RASSF8: variants seen among roughly 807,000 people sequenced by gnomAD.
The protein encoded by RASSF8 is Ras association domain family member 8.
In RASSF8, 22 loss-of-function variants were observed where a neutral mutation model predicts 48.5. The ratio of observed to expected loss-of-function variants is 0.45; its 90% CI spans 0.32 to 0.65. RASSF8 has a LOEUF of 0.65. Among genes scored for constraint, RASSF8 ranks in the 30% least tolerant of loss-of-function variants. The probability of loss-of-function intolerance (pLI) is 0.03; values close to 1 mark genes in which losing one functional copy is unlikely to be tolerated. For synonymous variants in RASSF8, 127 were observed against 171.5 expected (o/e 0.74, Z 2.03); for missense variants, 418 against 489.2 (o/e 0.85, Z 1.37).
intron 1 of RASSF8, among the ~76,000 whole-genome samples, chr12:25,965,153 G>A (rs117544553): frequency 0.056 from 8,461 of 152,070 alleles, 353 homozygotes; most frequent in African/African-American, 0.12. Flanking sequence ...ATGTTAGCCA[G>A]GATGGTCTTG....
At position 26,049,450 on chromosome 12, in the gene RASSF8, G is replaced by A. The variant is rs367650970; in HGVS notation, c.-108-5786G>A. 5.9e-5 allele frequency among the ~76,000 whole-genome samples: 9 copies of A among 152,062 alleles called. No homozygotes were observed. In the East Asian group the frequency reaches 1.2e-3, roughly 20 times the overall value. On this transcript the variant is annotated intron_variant, in intron 2 of 5. Coordinates refer to ENST00000689635, the MANE Select transcript of RASSF8 (RefSeq NM_001394098.1). ...TTCCACTGTGAACTTTAATTGACTG[G>A]CAAAAATTAACCCAAATTGTTAATT...
chr12:25,996,611 G>T (rs1592246314), intron 2 of RASSF8, among the ~76,000 whole-genome samples: 1 of 152,218 alleles, frequency 6.6e-6, no homozygotes, highest in Non-Finnish European at 1.5e-5. Context: ...ATTTTTTGCG[G>T]TTTCTTCTCA....
At chr12:26,054,599 G>A (rs1348844522) in intron 2 of RASSF8, among the ~76,000 whole-genome samples, 5 of 152,060 alleles carry the variant, frequency 3.3e-5, no homozygotes, top group South Asian at 2.1e-4. Flanking sequence ...GCATTTCAGC[G>A]GGAAGACACT....
intron 4 of RASSF8, among the ~76,000 whole-genome samples, chr12:26,066,414 G>A (rs1376480720): frequency 6.6e-6 from 1 of 152,182 alleles, no homozygotes; most frequent in South Asian, 2.1e-4. Flanking sequence ...AGAGAAAGCT[G>A]AGGTTTTAGG....
chr12:25,970,312 G>A (rs73077103), intron 1 of RASSF8, among the ~76,000 whole-genome samples: 3,093 of 152,112 alleles, frequency 0.02, 54 homozygotes, highest in Non-Finnish European at 0.03. Context: ...TGAACTATGT[G>A]TCAGTTTCTC....
downstream of RASSF8, among the ~76,000 whole-genome samples, chr12:26,073,197 G>A (rs1001451488): frequency 2.0e-5 from 3 of 152,122 alleles, no homozygotes; most frequent in East Asian, 1.9e-4. Context: ...ATGGGGCACC[G>A]GTCACACTTT....
At chr12:26,060,049 C>G (rs1207192747) in intron 3 of RASSF8, among the ~76,000 whole-genome samples, 2 of 152,182 alleles carry the variant, frequency 1.3e-5, no homozygotes, top group Non-Finnish European at 2.9e-5. Flanking sequence ...AGGCACCCAC[C>G]ACCACGCCCA....
At chr12:26,046,814 A>G (rs1164589938) in intron 2 of RASSF8, among the ~76,000 whole-genome samples, 1 of 152,232 alleles carries the variant, frequency 6.6e-6, no homozygotes, top group Non-Finnish European at 1.5e-5. Context: ...TACCTGCTTA[A>G]GGAGAAATAT....
chr12:26,015,899 C>G (rs1942637904), intron 2 of RASSF8, among the ~76,000 whole-genome samples: 1 of 152,060 alleles, frequency 6.6e-6, no homozygotes, highest in African/African-American at 2.4e-5. Flanking sequence ...GGCGGCACTT[C>G]TCTATAACTC....
chr12:26,067,896 C>T (rs12315057), intron 5 of RASSF8, among the ~76,000 whole-genome samples, 183 bp downstream of exon 5: 1,768 of 152,074 alleles, frequency 0.012, 37 homozygotes, highest in Middle Eastern at 0.037. Context: ...CTCCTGTAGC[C>T]GGGGCTACAG....
chr12:26,042,436 G>A (rs1018494647), intron 2 of RASSF8, among the ~76,000 whole-genome samples: 2 of 152,030 alleles, frequency 1.3e-5, no homozygotes, highest in African/African-American at 2.4e-5. Context: ...CCTTCGTTTT[G>A]GTTTTGTTAG....
chr12:26,047,069 A>G (rs942857720), intron 2 of RASSF8, among the ~76,000 whole-genome samples: 5 of 152,236 alleles, frequency 3.3e-5, no homozygotes, highest in African/African-American at 9.6e-5. Flanking sequence ...GAGTTAAACC[A>G]TCATAGAACT....
intron 1 of RASSF8, among the ~76,000 whole-genome samples, chr12:25,970,513 T>C (rs1377812476): frequency 1.3e-5 from 2 of 152,204 alleles, no homozygotes; most frequent in African/African-American, 2.4e-5. Context: ...TAATTTATCA[T>C]CTCTCATTTA....
At chr12:25,984,964 T>C (rs1355783372) in intron 1 of RASSF8, among the ~76,000 whole-genome samples, 1 of 152,130 alleles carries the variant, frequency 6.6e-6, no homozygotes, top group African/African-American at 2.4e-5. Flanking sequence ...TTATGGACAT[T>C]AACAAACTGA....
chr12:25,966,304 G>GT (rs1464336833), intron 1 of RASSF8, among the ~76,000 whole-genome samples: 1 of 152,128 alleles, frequency 6.6e-6, no homozygotes, highest in East Asian at 1.9e-4. Context: ...CGAGGCTGGA[G>GT]TACAGTAGTA....
Position 26,040,435 on chromosome 12 carries a change from C to T in RASSF8, c.-108-14801C>T, listed in dbSNP as rs141540848. Among the ~76,000 whole-genome samples the T allele has an allele frequency of 3.2e-3, 490 of 152,330 alleles. 1 individual carries two copies. The highest frequency in any genetic ancestry group is 6.8e-3 in the Middle Eastern group (2 of 294). On this transcript the variant is annotated intron_variant, in intron 2 of 5. Coordinates refer to ENST00000689635, the MANE Select transcript of RASSF8 (RefSeq NM_001394098.1). ...GCCGAGGGGAGTGGTGAAGTGGCAT[C>T]TTACCCGGAGGAGGAAAAGTATTTT...
At position 26,040,887 on chromosome 12, in the gene RASSF8, C is replaced by A. The variant is rs183585138; in HGVS notation, c.-108-14349C>A. Among the ~76,000 whole-genome samples the A allele has an allele frequency of 4.2e-5, 6 of 141,938 alleles. No homozygotes were observed. The East Asian group carries it at 1.4e-3, about 33-fold the overall frequency. The allele number at this position is 141,938 out of a possible 152,430, so 93.1% of individuals were successfully genotyped here. A position where few individuals can be genotyped will look rare whatever the true frequency, so the allele number is the denominator to read the frequency against. Reference sequence around the variant, plus strand: ...TAGTATTCTTATACTAACAATTATACATAGTTTTTTTTTTTTTTGAGACAG... The same window carrying A: ...TAGTATTCTTATACTAACAATTATAAATAGTTTTTTTTTTTTTTGAGACAG... On this transcript the variant is annotated intron_variant, in intron 2 of 5. Transcript: ENST00000689635.
chr12:25,983,828 C>T (rs1461052179), intron 1 of RASSF8, among the ~76,000 whole-genome samples: 2 of 152,146 alleles, frequency 1.3e-5, no homozygotes, highest in Non-Finnish European at 2.9e-5. Flanking sequence ...AGTGTAGACA[C>T]CATGCAGTCA....
At chr12:25,979,250 G>C (rs1326700964) in intron 1 of RASSF8, among the ~76,000 whole-genome samples, 2 of 152,058 alleles carry the variant, frequency 1.3e-5, no homozygotes, top group Non-Finnish European at 2.9e-5. Flanking sequence ...CAAGCAGCAG[G>C]GAGCTCTAGC....
Sources: allele counts gnomAD v4.1 joint callset (sites outside exome capture counted in the v4.1 genomes callset), GRCh38; gene constraint gnomAD v4.1.1; transcripts MANE v1.5; gene names NCBI Gene and HGNC (gene_info 2026-07-23, HGNC 2026-07-21).